Variants in TTC28 observed in about 807,000 individuals in gnomAD.
The protein encoded by TTC28 is tetratricopeptide repeat domain 28.
In TTC28, 61 loss-of-function variants were observed where a neutral mutation model predicts 198.0. That is an observed-to-expected ratio of 0.31 (90% confidence interval 0.25 to 0.38). The LOEUF (loss-of-function observed/expected upper bound fraction) is 0.38. Among genes scored for constraint, TTC28 ranks in the 10% least tolerant of loss-of-function variants. TTC28 has a pLI of 1.00. For synonymous variants in TTC28, 1,171 were observed against 1,297.8 expected (o/e 0.90, Z 2.10); for missense variants, 2,678 against 3,164.0 (o/e 0.85, Z 3.69).
At chr22:28,382,654 G>T (rs1348281731) in intron 2 of TTC28, among the ~76,000 whole-genome samples, 2 of 152,004 alleles carry the variant, frequency 1.3e-5, no homozygotes, top group African/African-American at 2.4e-5. Flanking sequence ...ATTATCAAAA[G>T]AAATAAAAGC....
At chr22:28,338,025 G>C (rs1161684043) in intron 2 of TTC28, among the ~76,000 whole-genome samples, 2 of 151,918 alleles carry the variant, frequency 1.3e-5, no homozygotes, top group South Asian at 2.1e-4. Flanking sequence ...AGCTCTTTTA[G>C]GGCAGGCCTG....
In TTC28 at chr22:28,299,983, A is replaced by T. The variant is rs529103581; in HGVS notation, c.530-2131T>A. 1.1e-4 allele frequency among the ~76,000 whole-genome samples: 17 copies of T among 152,294 alleles called. 1 individual carries two copies. The highest frequency in any genetic ancestry group is 3.9e-4 in the African/African-American group (16 of 41,558). On this transcript the variant is annotated intron_variant, in intron 3 of 22. Transcript: ENST00000397906. ...AAACCCTCAGTCAAAATCATACCAC[A>T]AACGCTGCCTGGTGAAGGCAGCATA...
At position 28,096,738 on chromosome 22, in the gene TTC28, CT is replaced by C. The variant is rs976632591; in HGVS notation, c.3548-331del. ...CCTCCTGAGTTGCTCCCTAACCTGG[CT>C]TTTTTTTTTCTAACCTCCTGCCTGG... is the stretch of plus-strand genomic sequence containing the variant. On this transcript the variant is annotated intron_variant, in intron 10 of 22. Coordinates refer to ENST00000397906, the MANE Select transcript of TTC28 (RefSeq NM_001145418.2). Among the ~76,000 whole-genome samples, 170 of 148,910 alleles carry C rather than the reference CT, an allele frequency of 1.1e-3. 1 individual carries two copies. Among genetic ancestry groups the C allele is most frequent in the African/African-American group, 3.3e-3 (134 of 40,578 alleles).
Position 28,535,418 on chromosome 22 carries a change from T to C in TTC28, c.381+94134A>G, listed in dbSNP as rs550477299. On this transcript the variant is annotated intron_variant, in intron 2 of 22. Transcript: ENST00000397906. ...TAGTACTATAAATTAATGTTGCCTGTTTTTGAATTTTATTTAAATGAGATT... is the reference window on the plus strand; with the variant it reads ...TAGTACTATAAATTAATGTTGCCTGCTTTTGAATTTTATTTAAATGAGATT... 3.3e-5 allele frequency among the ~76,000 whole-genome samples: 5 copies of C among 152,302 alleles called. No homozygotes were observed. The South Asian group carries it at 1.0e-3, about 32-fold the overall frequency.
intron 2 of TTC28, among the ~76,000 whole-genome samples, chr22:28,560,122 T>G (rs2049845280): frequency 6.6e-6 from 1 of 152,238 alleles, no homozygotes; most frequent in Non-Finnish European, 1.5e-5. Context: ...GTTAAGGACC[T>G]CTGAGTCATC....
At chr22:28,213,907 G>C (rs1927148259) in intron 5 of TTC28, among the ~76,000 whole-genome samples, 1 of 152,148 alleles carries the variant, frequency 6.6e-6, no homozygotes, top group Non-Finnish European at 1.5e-5. Context: ...AATCAAAACA[G>C]CACGATACTG....
At chr22:28,430,874 T>A (rs1409233892) in intron 2 of TTC28, among the ~76,000 whole-genome samples, 1 of 137,650 alleles carries the variant, frequency 7.3e-6, no homozygotes, top group Admixed American at 7.1e-5. Context: ...TGAGATTCCT[T>A]ACCATTGTAA....
intron 2 of TTC28, among the ~76,000 whole-genome samples, chr22:28,446,528 T>G (rs891563662): frequency 6.6e-6 from 1 of 152,090 alleles, no homozygotes; most frequent in South Asian, 2.1e-4. Context: ...GGAGTTCACT[T>G]GAGAGCTGGT....
intron 6 of TTC28, among the ~76,000 whole-genome samples, chr22:28,114,835 C>T (rs1291303468): frequency 1.3e-5 from 2 of 152,168 alleles, no homozygotes; most frequent in Admixed American, 6.5e-5. Flanking sequence ...ATCTTCCTGC[C>T]TTGGCCTCCT....
At chr22:28,357,929 T>C (rs777648663) in intron 2 of TTC28, among the ~76,000 whole-genome samples, 6 of 152,128 alleles carry the variant, frequency 3.9e-5, no homozygotes, top group Non-Finnish European at 8.8e-5. Flanking sequence ...GCCAGATAGA[T>C]AGTAAAAACA....
chr22:28,174,708 A>G (rs796592357), intron 5 of TTC28, among the ~76,000 whole-genome samples: 8 of 152,262 alleles, frequency 5.3e-5, no homozygotes, highest in African/African-American at 1.7e-4. Context: ...GCGAAACCCC[A>G]TATCTTAAGA....
intron 2 of TTC28, among the ~76,000 whole-genome samples, chr22:28,576,996 C>A (rs992354005): frequency 2.6e-5 from 4 of 151,440 alleles, no homozygotes; most frequent in Non-Finnish European, 5.9e-5. Context: ...TTTATTATTT[C>A]TTTTCTTCTA....
Position 28,203,170 on chromosome 22 carries a change from G to A in TTC28, c.934-39571C>T, listed in dbSNP as rs1270768674. ...AACATGGTAAAGTGAGGCAAACATG[G>A]ACTTTAGAGTCAGTCAGAAATTGTG... is the stretch of plus-strand genomic sequence containing the variant. On this transcript the variant is annotated intron_variant, in intron 5 of 22. Transcript: ENST00000397906. 3.9e-5 allele frequency among the ~76,000 whole-genome samples: 6 copies of A among 152,016 alleles called. No homozygotes were observed. The East Asian group carries it at 1.2e-3, about 29-fold the overall frequency.
intron 1 of TTC28, among the ~76,000 whole-genome samples, chr22:28,645,165 C>T (rs1033630478): frequency 1.3e-5 from 2 of 151,760 alleles, no homozygotes; most frequent in South Asian, 2.1e-4. Flanking sequence ...TGCTCCAGTT[C>T]GTGCTGGGCA....
At chr22:28,238,031 T>C (rs1254530666) in intron 5 of TTC28, among the ~76,000 whole-genome samples, 2 of 152,192 alleles carry the variant, frequency 1.3e-5, no homozygotes, top group Non-Finnish European at 2.9e-5. Context: ...TCAGATTCTC[T>C]CTTTTATCAT....
chr22:28,115,656 C>T (rs868002321), intron 6 of TTC28, among the ~76,000 whole-genome samples: 2 of 152,260 alleles, frequency 1.3e-5, no homozygotes, highest in African/African-American at 2.4e-5. Flanking sequence ...CTTGCGCCAT[C>T]GCACGTCTGT....
chr22:28,600,648 T>TAC (rs2050625216), intron 2 of TTC28, among the ~76,000 whole-genome samples: 1 of 152,158 alleles, frequency 6.6e-6, no homozygotes, highest in Non-Finnish European at 1.5e-5. Context: ...CTTCAGAGAA[T>TAC]ACACATATAA....
intron 14 of TTC28, among the ~76,000 whole-genome samples, chr22:28,008,742 A>C (rs948320326): frequency 3.9e-5 from 6 of 152,198 alleles, no homozygotes; most frequent in Non-Finnish European, 7.3e-5. Flanking sequence ...GAAGGGCCCA[A>C]CTGAAAACTG....
intron 5 of TTC28, among the ~76,000 whole-genome samples, chr22:28,249,945 C>T (rs765091192): frequency 6.6e-6 from 1 of 152,152 alleles, no homozygotes; most frequent in Non-Finnish European, 1.5e-5. Flanking sequence ...GGATTTCACT[C>T]CTCTTATTGT....
Sources: allele counts gnomAD v4.1 joint callset (sites outside exome capture counted in the v4.1 genomes callset), GRCh38; gene constraint gnomAD v4.1.1; transcripts MANE v1.5; gene names NCBI Gene and HGNC (gene_info 2026-07-23, HGNC 2026-07-21).